Variants in DNAJC3 observed in about 807,000 individuals in gnomAD.
DNAJC3 encodes DnaJ heat shock protein family (Hsp40) member C3.
In DNAJC3, 38 loss-of-function variants were observed where a neutral mutation model predicts 68.6. That is an observed-to-expected ratio of 0.55 (90% confidence interval 0.43 to 0.73). The LOEUF (loss-of-function observed/expected upper bound fraction) is 0.73. DNAJC3 is among the 30% of genes least tolerant of loss of function. The pLI is 0.00. For missense variants in DNAJC3, 526 were observed against 591.9 expected (o/e 0.89, Z 1.16); for synonymous variants, 203 against 204.0 (o/e 1.00, Z 0.04).
intron 1 of DNAJC3, among the ~76,000 whole-genome samples, chr13:95,683,131 C>A (rs1477950426): frequency 6.6e-6 from 1 of 152,150 alleles, no homozygotes; most frequent in Non-Finnish European, 1.5e-5. Context: ...ATTGAAGGAG[C>A]TTTTTTTCCC....
In DNAJC3 at chr13:95,753,410, A is replaced by G. The variant is rs1261818399; in HGVS notation, c.394-4234A>G. On this transcript the variant is annotated intron_variant, in intron 4 of 11. Transcript: ENST00000602402. ...GACTGCAGAAAGAATATGTGAAGGC[A>G]AATTCTAGAAGTCACTGCAGAATGT... 5.0e-4 allele frequency among the ~76,000 whole-genome samples: 76 copies of G among 152,188 alleles called. 5 individuals carry two copies. The highest frequency in any genetic ancestry group is 5.0e-3 in the Admixed American group (76 of 15,272).
At position 95,791,568 on chromosome 13, in the gene DNAJC3, GGTCT is replaced by G. The variant is rs1883776424; in HGVS notation, c.*542_*545del. The stretch of plus-strand genomic sequence containing the variant: ...AGTGTGCATGTGTTTGCACCTCTGT[GGTCT>G]GTCAACGTGGCTGTCACTGAAGGAG... On this transcript the variant is annotated 3_prime_UTR_variant, in exon 12 of 12. Coordinates refer to ENST00000602402, the MANE Select transcript of DNAJC3 (RefSeq NM_006260.5). 1.3e-5 allele frequency: 2 copies of G among 154,324 alleles called. No individual in the cohort carries two copies. The highest frequency in any genetic ancestry group is 1.3e-4 in the Admixed American group (2 of 15,606). The allele number at this position is 154,324 out of a possible 1,614,324, so 9.6% of individuals were successfully genotyped here.
At position 95,757,657 on chromosome 13, in the gene DNAJC3, C is replaced by A. The variant is rs918182150; in HGVS notation, c.407C>A (p.Pro136Gln). The A allele has an allele frequency of 1.3e-6, 2 of 1,561,654 alleles. No homozygotes were observed. Among genetic ancestry groups the A allele is most frequent in the Non-Finnish European group, 1.8e-6 (2 of 1,141,438 alleles). The change falls in exon 5 of 12, where the codon CCA (proline) becomes CAA (glutamine). Residue 136 changes from proline (P) to glutamine (Q), a missense_variant. Coordinates refer to ENST00000602402, the MANE Select transcript of DNAJC3 (RefSeq NM_006260.5). The stretch of plus-strand genomic sequence containing the variant: ...TTTTCCTTATAGCTCAAATCTAATC[C>A]AAGTGAAAATGAAGAAAAGGAAGCA... ...DDFKKVLKSN[P>Q]SENEEKEAQS...
In DNAJC3 at chr13:95,723,246, T is replaced by G. The variant is rs755396517; in HGVS notation, c.198T>G (p.Gly66=). Reference sequence around the variant, plus strand: ...TAATATTATTTTAATTTTCAGATGGTGACCCTGATAACTATATTGCTTATT... The same window carrying G: ...TAATATTATTTTAATTTTCAGATGGGGACCCTGATAACTATATTGCTTATT... ...ALSQFHAAVD[G]DPDNYIAYYR... The change falls in exon 3 of 12, where the codon GGT becomes GGG. Residue 66 remains glycine (G), a synonymous_variant. Coordinates refer to ENST00000602402, the MANE Select transcript of DNAJC3 (RefSeq NM_006260.5). The G allele has an allele frequency of 3.2e-6, 5 of 1,586,286 alleles. No individual in the cohort carries two copies. The highest frequency in any genetic ancestry group is 1.7e-4 in the Middle Eastern group (1 of 5,932).
intron 9 of DNAJC3, among the ~76,000 whole-genome samples, chr13:95,785,561 C>T (rs1010809320): frequency 3.5e-5 from 5 of 142,050 alleles, no homozygotes; most frequent in Non-Finnish European, 6.0e-5. Flanking sequence ...CAAGTTCAAG[C>T]GGTTTTCCTG....
intron 4 of DNAJC3, among the ~76,000 whole-genome samples, chr13:95,753,578 T>A (rs1455867358): frequency 6.6e-6 from 1 of 152,212 alleles, no homozygotes; most frequent in Non-Finnish European, 1.5e-5. Context: ...TAGCAATTCA[T>A]TGAATATATT....
chr13:95,764,645 C>CATATATATATATATAT (rs755441205), intron 9 of DNAJC3, among the ~76,000 whole-genome samples: 1 of 56,526 alleles, frequency 1.8e-5, no homozygotes, highest in Non-Finnish European at 3.3e-5. Flanking sequence ...AAATAGAATC[C>CATATATATATATATAT]ATATATATAT....
intron 9 of DNAJC3, among the ~76,000 whole-genome samples, chr13:95,781,108 T>A (rs1286368282): frequency 1.3e-5 from 2 of 151,914 alleles, no homozygotes; most frequent in Non-Finnish European, 2.9e-5. Context: ...ATTTTACTGA[T>A]CGGGGGTCAG....
At chr13:95,723,120 T>G in intron 2 of DNAJC3, 122 bp from the exon 3 acceptor site, 1 of 914,838 alleles carries the variant, frequency 1.1e-6, no homozygotes, top group Non-Finnish European at 1.6e-6. Flanking sequence ...GATGATGAGA[T>G]TCTTTTCTTA....
chr13:95,758,565 G>A (rs1882733006), intron 5 of DNAJC3, among the ~76,000 whole-genome samples: 1 of 151,466 alleles, frequency 6.6e-6, no homozygotes, highest in African/African-American at 2.4e-5. Flanking sequence ...AGAAGCAGAG[G>A]TTGCAGTGAG....
At chr13:95,690,482 T>C (rs2139603770) in intron 1 of DNAJC3, among the ~76,000 whole-genome samples, 1 of 151,900 alleles carries the variant, frequency 6.6e-6, no homozygotes, top group African/African-American at 2.4e-5. Context: ...TCATGGCCCG[T>C]TCTCAATGAG....
chr13:95,713,485 G>A (rs1187712794), intron 2 of DNAJC3, among the ~76,000 whole-genome samples: 1 of 152,152 alleles, frequency 6.6e-6, no homozygotes, highest in East Asian at 1.9e-4. Context: ...AGAAACTTAA[G>A]AAAGACTTAA....
chr13:95,709,413 A>G lies in DNAJC3; in HGVS notation c.193+76A>G, dbSNP rs1880875673. On this transcript the variant is annotated intron_variant, in intron 2 of 11. Transcript: ENST00000602402. The stretch of plus-strand genomic sequence containing the variant: ...TAATAGCTCTTTTTTTAAAAATAAC[A>G]TTTAAAATAAACATTATTTCATGTT... 8.9e-6 allele frequency: 9 copies of G among 1,010,826 alleles called. 1 individual carries two copies. The Admixed American group carries it at 2.7e-4, about 31-fold the overall frequency. The allele number at this position is 1,010,826 out of a possible 1,614,324, so 62.6% of individuals were successfully genotyped here. A position where few individuals can be genotyped will look rare whatever the true frequency, so the allele number is the denominator to read the frequency against.
intron 9 of DNAJC3, among the ~76,000 whole-genome samples, chr13:95,778,365 A>G (rs1305193825): frequency 2.0e-5 from 3 of 152,240 alleles, no homozygotes; most frequent in Non-Finnish European, 4.4e-5. Context: ...CTCTGGCAAC[A>G]TGCTCAGGTG....
chr13:95,762,883 C>A (rs1234671052), intron 7 of DNAJC3, among the ~76,000 whole-genome samples: 1 of 152,070 alleles, frequency 6.6e-6, no homozygotes, highest in Non-Finnish European at 1.5e-5. Flanking sequence ...GTTTTCTGTT[C>A]CTGCGTTAGT....
chr13:95,770,521 GC>G (rs1441071686), intron 9 of DNAJC3, among the ~76,000 whole-genome samples: 1 of 152,184 alleles, frequency 6.6e-6, no homozygotes, highest in African/African-American at 2.4e-5. Flanking sequence ...TGTAATAGAT[GC>G]TAAAAATAAA....
chr13:95,702,835 AT>A (rs1397663204), intron 1 of DNAJC3, among the ~76,000 whole-genome samples: 1 of 152,234 alleles, frequency 6.6e-6, no homozygotes, highest in Non-Finnish European at 1.5e-5. Context: ...ATTCTTACCC[AT>A]ACCCTAATGG....
chr13:95,724,124 C>A (rs1881429666), intron 3 of DNAJC3, among the ~76,000 whole-genome samples: 1 of 151,952 alleles, frequency 6.6e-6, no homozygotes, highest in Admixed American at 6.6e-5. Flanking sequence ...ATGGAATTCC[C>A]AAATCTCAAA....
intron 3 of DNAJC3, 101 bp from the exon 4 acceptor site, chr13:95,725,077 T>C: frequency 1.4e-6 from 1 of 723,816 alleles, no homozygotes; most frequent in South Asian, 4.5e-5. Flanking sequence ...GAAAAATAAA[T>C]ATTTATTAAT....
Sources: gnomAD v4.1 joint callset for allele counts (sites outside exome capture counted in the v4.1 genomes callset) on GRCh38, gnomAD v4.1.1 for gene constraint, MANE v1.5 for transcripts, NCBI Gene and HGNC (gene_info 2026-07-23, HGNC 2026-07-21) for gene names.